Variants in GALNT17 observed in about 807,000 individuals in gnomAD.
GALNT17 encodes UDP-GalNAc:polypeptide N-acetylgalactosaminyltransferase-like 3.
GALNT17 carries 29 observed loss-of-function variants against 63.7 expected under a neutral mutation model. That is an observed-to-expected ratio of 0.46 (90% CI 0.34 to 0.62). The LOEUF is 0.62. Ranked by LOEUF, GALNT17 falls within the 20% of genes least tolerant of loss-of-function variation. GALNT17 has a pLI of 0.01. For synonymous variants in GALNT17, 305 were observed against 318.3 expected (o/e 0.96, Z 0.45); for missense variants, 603 against 799.6 (o/e 0.75, Z 2.97).
intron 9 of GALNT17, among the ~76,000 whole-genome samples, chr7:71,706,467 G>C (rs1240973652): frequency 6.6e-6 from 1 of 152,210 alleles, no homozygotes; most frequent in African/African-American, 2.4e-5. Flanking sequence ...TCATCTGCCT[G>C]CTGGATAATA....
At chr7:71,490,567 G>T (rs1457014813) in intron 5 of GALNT17, among the ~76,000 whole-genome samples, 2 of 152,160 alleles carry the variant, frequency 1.3e-5, no homozygotes, top group South Asian at 2.1e-4. Flanking sequence ...AGGGTCCCTT[G>T]AGGCCTGGGC....
intron 2 of GALNT17, among the ~76,000 whole-genome samples, chr7:71,356,316 T>C (rs773905030): frequency 3.9e-5 from 6 of 152,108 alleles, no homozygotes; most frequent in Non-Finnish European, 8.8e-5. Flanking sequence ...AAAGGGACCA[T>C]TGTCTGTTAG....
In GALNT17 at chr7:71,699,171, CAAA is replaced by C. The variant is rs59124269; in HGVS notation, c.1501-11567_1501-11565del. The stretch of plus-strand genomic sequence containing the variant: ...TAGGCAACAGAGCAAGACTCCATCT[CAAA>C]AAAAAAAAAAAAAAAAAAAAAATGA... On this transcript the variant is annotated intron_variant, in intron 9 of 10. Coordinates refer to ENST00000333538, the MANE Select transcript of GALNT17 (RefSeq NM_022479.3). Among the ~76,000 whole-genome samples, 225 of 77,294 alleles carry C rather than the reference CAAA, an allele frequency of 2.9e-3. 3 individuals are homozygous for C. In the Admixed American group the frequency reaches 0.033, roughly 11 times the overall value. The allele number at this position is 77,294 out of a possible 152,430, so 50.7% of individuals were successfully genotyped here. A position where few individuals can be genotyped will look rare whatever the true frequency, so the allele number is the denominator to read the frequency against.
At chr7:71,377,121 ATATATAT>A (rs1426621150) in intron 2 of GALNT17, among the ~76,000 whole-genome samples, 1 of 94,620 alleles carries the variant, frequency 1.1e-5, no homozygotes, top group African/African-American at 3.9e-5. Flanking sequence ...AAAAATATAT[ATATATAT>A]ATATATATAT....
In GALNT17 at chr7:71,157,344, T is replaced by TA. The variant is rs1037823641; in HGVS notation, c.238+24309dup. ...ATTCCTGGCCTCTAGTAGATTTCTT[T>TA]AAAAACTTTAAAAAAATTGAGGTAA... On this transcript the variant is annotated intron_variant, in intron 1 of 10. Transcript: ENST00000333538. Among the ~76,000 whole-genome samples, 69 of 151,500 alleles carry TA rather than the reference T, an allele frequency of 4.6e-4. 1 individual carries two copies. Among genetic ancestry groups the TA allele is most frequent in the African/African-American group, 1.7e-3 (68 of 41,134 alleles).
chr7:71,662,946 G>T (rs1381772982), intron 6 of GALNT17, among the ~76,000 whole-genome samples: 2 of 152,104 alleles, frequency 1.3e-5, no homozygotes, highest in Admixed American at 6.6e-5. Context: ...AGCACAATTT[G>T]TTGAAGATAT....
intron 1 of GALNT17, among the ~76,000 whole-genome samples, chr7:71,210,204 A>G (rs1022987823): frequency 6.6e-6 from 1 of 152,146 alleles, no homozygotes; most frequent in Non-Finnish European, 1.5e-5. Context: ...CTTATTCACT[A>G]TCACAAGAAT....
intron 2 of GALNT17, among the ~76,000 whole-genome samples, chr7:71,357,421 C>G (rs1563029586): frequency 6.6e-6 from 1 of 152,126 alleles, no homozygotes; most frequent in Non-Finnish European, 1.5e-5. Context: ...TCCCCATCCC[C>G]CCACACCCTT....
chr7:71,626,381 C>T (rs1391704474), intron 6 of GALNT17, among the ~76,000 whole-genome samples: 1 of 152,182 alleles, frequency 6.6e-6, no homozygotes, highest in African/African-American at 2.4e-5. Flanking sequence ...TCAGCCTGCT[C>T]GCCTCCAGAA....
rs571142856 is a variant in GALNT17, at chr7:71,461,700, C to T, written c.962+40595C>T. On this transcript the variant is annotated intron_variant, in intron 5 of 10. Transcript: ENST00000333538. The stretch of plus-strand genomic sequence containing the variant: ...GCAGGGGAGGAATGAGGCAGTCCCA[C>T]GTGACTTCTTGCTGCTGTTGCCTCC... Among the ~76,000 whole-genome samples, 84 of 152,308 alleles carry T rather than the reference C, an allele frequency of 5.5e-4. 1 individual carries two copies. Among genetic ancestry groups the T allele is most frequent in the African/African-American group, 1.7e-3 (69 of 41,572 alleles).
intron 1 of GALNT17, among the ~76,000 whole-genome samples, chr7:71,312,393 A>G (rs1465006969): frequency 6.6e-6 from 1 of 152,172 alleles, no homozygotes; most frequent in African/African-American, 2.4e-5. Context: ...CCTGCATCAA[A>G]ACCTTAATGT....
intron 1 of GALNT17, among the ~76,000 whole-genome samples, chr7:71,165,423 A>G (rs1788420920): frequency 6.6e-6 from 1 of 152,190 alleles, no homozygotes; most frequent in Non-Finnish European, 1.5e-5. Context: ...AGGCCTCACA[A>G]ACATGGCAGA....
intron 6 of GALNT17, among the ~76,000 whole-genome samples, chr7:71,635,726 C>T (rs1790518948): frequency 6.6e-6 from 1 of 152,148 alleles, no homozygotes; most frequent in East Asian, 1.9e-4. Context: ...GCTGGTTGCC[C>T]ATTTTTATGG....
chr7:71,435,782 G>A (rs1428182399), intron 5 of GALNT17, among the ~76,000 whole-genome samples: 1 of 152,118 alleles, frequency 6.6e-6, no homozygotes, highest in Non-Finnish European at 1.5e-5. Context: ...CACTTTGGGA[G>A]GCCGAGACCG....
chr7:71,679,804 C>T (rs1791211309), intron 9 of GALNT17, among the ~76,000 whole-genome samples: 1 of 151,966 alleles, frequency 6.6e-6, no homozygotes, highest in African/African-American at 2.4e-5. Context: ...CTCCTGGGCC[C>T]CATCCCCAGA....
intron 1 of GALNT17, among the ~76,000 whole-genome samples, chr7:71,269,443 G>T (rs1480417363): frequency 1.3e-5 from 2 of 152,138 alleles, no homozygotes; most frequent in Non-Finnish European, 2.9e-5. Flanking sequence ...CTTCAGGTTG[G>T]GCAACAGAGC....
intron 2 of GALNT17, among the ~76,000 whole-genome samples, chr7:71,369,686 G>T (rs564275696): frequency 1.3e-5 from 2 of 151,958 alleles, no homozygotes; most frequent in African/African-American, 4.8e-5. Context: ...CATGGCACGC[G>T]CCTGTAATCC....
At chr7:71,232,350 G>A (rs929645439) in intron 1 of GALNT17, among the ~76,000 whole-genome samples, 2 of 152,152 alleles carry the variant, frequency 1.3e-5, no homozygotes, top group African/African-American at 4.8e-5. Context: ...AGCCTTGGTG[G>A]TCAGGGTCAG....
intron 1 of GALNT17, among the ~76,000 whole-genome samples, chr7:71,209,160 A>G (rs1262484402): frequency 6.6e-6 from 1 of 152,228 alleles, no homozygotes; most frequent in Non-Finnish European, 1.5e-5. Context: ...GCAAAATATC[A>G]TTCTTCTCTG....
Sources: allele counts gnomAD v4.1 joint callset (sites outside exome capture counted in the v4.1 genomes callset), GRCh38; gene constraint gnomAD v4.1.1; transcripts MANE v1.5; gene names NCBI Gene and HGNC (gene_info 2026-07-23, HGNC 2026-07-21).